The following TAF12 variants were observed in gnomAD, a reference collection of about 807,000 sequenced individuals.
TAF12 encodes the protein TATA-box binding protein associated factor 12.
A neutral mutation model predicts 20.8 loss-of-function variants in TAF12; 3 were observed. That is an observed-to-expected ratio of 0.14 (90% CI 0.07 to 0.37). TAF12 has a LOEUF of 0.37. TAF12 is among the 10% of genes least tolerant of loss of function. The pLI is 1.00. For synonymous variants in TAF12, 69 were observed against 70.2 expected, an observed-to-expected ratio of 0.98 and a Z score of 0.09; for missense variants, 131 against 197.9, an observed-to-expected ratio of 0.66 and a Z score of 2.03.
chr1:28,608,027 C>T (rs948504705), intron 4 of TAF12, among the ~76,000 whole-genome samples: 3 of 151,996 alleles, frequency 2.0e-5, no homozygotes, highest in Non-Finnish European at 4.4e-5. Context: ...ATCCCAGCTA[C>T]AAGGCACAAG....
At chr1:28,630,870 C>T (rs1000054016) in intron 1 of TAF12, among the ~76,000 whole-genome samples, 1 of 151,194 alleles carries the variant, frequency 6.6e-6, no homozygotes, top group African/African-American at 2.4e-5. Context: ...ATGGTGAAAC[C>T]CTGTCTCTAC....
chr1:28,612,219 G>A lies in TAF12; in HGVS notation c.361+1028C>T, dbSNP rs548202741. On this transcript the variant is annotated intron_variant, in intron 4 of 5. Coordinates refer to ENST00000373824, the MANE Select transcript of TAF12 (RefSeq NM_005644.4). ...AATCCCAGCACTTTGGGAGGCCAAG[G>A]CAGGTGGATCAACAGAGGCCAGGAG... Among the ~76,000 whole-genome samples the A allele has an allele frequency of 3.3e-5, 5 of 152,120 alleles. No homozygotes were observed. In the East Asian group the frequency reaches 9.6e-4, roughly 29 times the overall value.
intron 1 of TAF12, among the ~76,000 whole-genome samples, chr1:28,638,141 C>G (rs1187051466): frequency 2.6e-5 from 4 of 151,992 alleles, no homozygotes; most frequent in African/African-American, 9.6e-5. Context: ...GCTGGGATTA[C>G]AGGCGTCTGC....
At chr1:28,628,228 T>TGGG (rs760486849) in intron 1 of TAF12, among the ~76,000 whole-genome samples, 9 of 3,868 alleles carry the variant, frequency 2.3e-3, no homozygotes, top group South Asian at 8.9e-3. Flanking sequence ...GTGCAGGGGG[T>TGGG]GGGGGGGGGG....
chr1:28,632,129 A>T (rs931814775), intron 1 of TAF12, among the ~76,000 whole-genome samples: 2 of 152,180 alleles, frequency 1.3e-5, no homozygotes, highest in African/African-American at 2.4e-5. Flanking sequence ...TATCCATTCA[A>T]TGGAATACTC....
In TAF12 at chr1:28,622,055, T is replaced by C. The variant is rs1469149677; in HGVS notation, c.27A>G (p.Leu9=). 3 of 1,613,692 alleles carry C rather than the reference T, an allele frequency of 1.9e-6. No homozygotes were observed. In the East Asian group the frequency reaches 6.7e-5, roughly 36 times the overall value. ...TGGATGAGAAATTGGAGAGGTTGATTAGGGCTGAGGGGCCAAACTGGTTCA... is the reference window on the plus strand; with the variant it reads ...TGGATGAGAAATTGGAGAGGTTGATCAGGGCTGAGGGGCCAAACTGGTTCA... MNQFGPSA[L]INLSNFSSIK... is the part of the protein sequence containing the mutation. The change falls in exon 2 of 6, where the codon CTA becomes CTG. Residue 9 remains leucine (L), a synonymous_variant. Transcript: ENST00000373824.
At chr1:28,619,252 G>C (rs1483744068) in intron 2 of TAF12, among the ~76,000 whole-genome samples, 3 of 151,820 alleles carry the variant, frequency 2.0e-5, no homozygotes, top group Non-Finnish European at 2.9e-5. Context: ...CCAGTACTTT[G>C]GGAGACCGAG....
At chr1:28,605,237 G>T in intron 5 of TAF12, 135 bp downstream of exon 5, 1 of 829,338 alleles carries the variant, frequency 1.2e-6, no homozygotes, top group Middle Eastern at 2.4e-4. Context: ...TGCCCTCTCT[G>T]ACCCTTGCTC....
intron 1 of TAF12, among the ~76,000 whole-genome samples, chr1:28,636,871 T>C (rs1667844460): frequency 6.6e-6 from 1 of 151,582 alleles, no homozygotes; most frequent in Non-Finnish European, 1.5e-5. Context: ...TACTATGGGG[T>C]CTGAGGTGAC....
upstream of TAF12, among the ~76,000 whole-genome samples, chr1:28,647,442 G>A (rs764001509): frequency 5.3e-5 from 8 of 151,992 alleles, no homozygotes; most frequent in Non-Finnish European, 1.0e-4. Context: ...CCCATGCCAC[G>A]ATGCCCAGTT....
intron 1 of TAF12, chr1:28,642,621 T>C (rs867575966): frequency 1.0e-6 from 1 of 984,400 alleles, no homozygotes; most frequent in South Asian, 4.7e-5. Context: ...CTTCTGCCTC[T>C]TAGGAGCCCA....
At chr1:28,609,404 A>C (rs1666780611) in intron 4 of TAF12, among the ~76,000 whole-genome samples, 1 of 151,632 alleles carries the variant, frequency 6.6e-6, no homozygotes, top group African/African-American at 2.4e-5. Flanking sequence ...TAGCAACAAC[A>C]ATCATTTAGT....
upstream of TAF12, chr1:28,646,036 G>A (rs1668177864): frequency 6.6e-6 from 1 of 152,094 alleles, no homozygotes; most frequent in Admixed American, 6.6e-5. Context: ...CACTTTGGGA[G>A]GCGCAGCAGG....
At chr1:28,632,696 G>T (rs1204907677) in intron 1 of TAF12, among the ~76,000 whole-genome samples, 1 of 151,980 alleles carries the variant, frequency 6.6e-6, no homozygotes, top group African/African-American at 2.4e-5. Flanking sequence ...AAGGAGTCTG[G>T]GGCAGAGGAG....
chr1:28,631,961 C>G (rs1667644051), intron 1 of TAF12, among the ~76,000 whole-genome samples: 1 of 152,106 alleles, frequency 6.6e-6, no homozygotes, highest in Non-Finnish European at 1.5e-5. Context: ...GCTTATATGA[C>G]TCAGCAATCC....
chr1:28,606,472 G>C (rs1266160289), intron 4 of TAF12, among the ~76,000 whole-genome samples: 1 of 151,240 alleles, frequency 6.6e-6, no homozygotes, highest in African/African-American at 2.4e-5. Context: ...AGGGGGTCTT[G>C]TTATGTTGAA....
At chr1:28,630,469 T>C (rs1350509835) in intron 1 of TAF12, among the ~76,000 whole-genome samples, 1 of 151,868 alleles carries the variant, frequency 6.6e-6, no homozygotes, top group African/African-American at 2.4e-5. Flanking sequence ...GGAGAATCGC[T>C]TGAACCCGGG....
At chr1:28,628,424 T>C (rs922294629) in intron 1 of TAF12, among the ~76,000 whole-genome samples, 1 of 152,020 alleles carries the variant, frequency 6.6e-6, no homozygotes, top group East Asian at 1.9e-4. Flanking sequence ...TACATTTATA[T>C]GAAATGTCCA....
chr1:28,613,256 G>A lies in TAF12; in HGVS notation c.352C>T (p.Leu118=), dbSNP rs760116334. The A allele has an allele frequency of 1.9e-6, 3 of 1,608,990 alleles. No homozygotes were observed. Among genetic ancestry groups the A allele is most frequent in the Non-Finnish European group, 2.5e-6 (3 of 1,177,824 alleles). The stretch of plus-strand genomic sequence containing the variant: ...AAACAAGACCACATACCTAAATGCA[G>A]CTGGACATCTTTCACCTCCAGGGTG... ...SSTLEVKDVQ[L]HLERQWNMWI... is the part of the protein sequence containing the mutation. The change falls in exon 4 of 6, where the codon CTG becomes TTG. Residue 118 remains leucine (L), a synonymous_variant. Transcript: ENST00000373824.
Sources: allele counts gnomAD v4.1 joint callset (sites outside exome capture counted in the v4.1 genomes callset), GRCh38; gene constraint gnomAD v4.1.1; transcripts MANE v1.5; gene names NCBI Gene and HGNC (gene_info 2026-07-23, HGNC 2026-07-21).